Variants in APBA2 observed in about 807,000 individuals in gnomAD.
APBA2 encodes amyloid beta precursor protein binding family A member 2.
Under a neutral mutation model 75.0 loss-of-function variants are expected in APBA2, and 30 were observed. The ratio of observed to expected loss-of-function variants is 0.40; its 90% CI spans 0.30 to 0.54. The LOEUF (loss-of-function observed/expected upper bound fraction) is 0.54, where lower values mean the gene tolerates loss of function less well. APBA2 is among the 20% of genes least tolerant of loss of function. APBA2 has a pLI of 0.49. For synonymous variants in APBA2, 444 were observed against 409.6 expected (o/e 1.08, Z -1.01); for missense variants, 801 against 1,016.1 (o/e 0.79, Z 2.88).
chr15:29,062,548 G>T (rs1311905956), intron 4 of APBA2, among the ~76,000 whole-genome samples: 1 of 152,204 alleles, frequency 6.6e-6, no homozygotes, highest in Admixed American at 6.5e-5. Context: ...TTGATGTTTT[G>T]ATGACATGTC....
At chr15:28,988,264 G>T (rs1247852929) in intron 2 of APBA2, among the ~76,000 whole-genome samples, 2 of 149,998 alleles carry the variant, frequency 1.3e-5, no homozygotes, top group Non-Finnish European at 3.0e-5. Flanking sequence ...TTTCTGTAGT[G>T]TGCCTTTTTT....
At chr15:28,987,761 T>C (rs1473825398) in intron 2 of APBA2, among the ~76,000 whole-genome samples, 2 of 139,844 alleles carry the variant, frequency 1.4e-5, no homozygotes, top group Non-Finnish European at 3.1e-5. Context: ...TATTCTTTTT[T>C]TTTTTTTTTT....
chr15:29,088,245 C>T (rs1307166945), intron 6 of APBA2, among the ~76,000 whole-genome samples: 3 of 152,198 alleles, frequency 2.0e-5, no homozygotes, highest in Non-Finnish European at 4.4e-5. Flanking sequence ...AGAGCAGAGT[C>T]CTGGGGCTTC....
At chr15:29,094,900 CTT>C (rs60744239) in intron 8 of APBA2, among the ~76,000 whole-genome samples, 120,669 of 146,238 alleles carry the variant, frequency 0.83, 53,383 homozygotes, top group Non-Finnish European at 0.98. Context: ...GTCTCCACAA[CTT>C]TTTTTTTTTT....
intron 8 of APBA2, among the ~76,000 whole-genome samples, chr15:29,098,136 C>T (rs991836446): frequency 3.9e-5 from 6 of 152,240 alleles, no homozygotes; most frequent in East Asian, 1.9e-4. Flanking sequence ...CTCCTAGACA[C>T]GCTGATTTCA....
chr15:28,955,767 G>A (rs2036134045), intron 2 of APBA2, among the ~76,000 whole-genome samples: 7 of 152,250 alleles, frequency 4.6e-5, no homozygotes, highest in Admixed American at 4.6e-4. Flanking sequence ...GCCTAGGGAG[G>A]CATGGGGGGC....
chr15:28,955,422 A>G (rs1465124959), intron 2 of APBA2, among the ~76,000 whole-genome samples: 1 of 152,170 alleles, frequency 6.6e-6, no homozygotes, highest in Non-Finnish European at 1.5e-5. Context: ...AACAGCCAGT[A>G]CTGGAACCCT....
chr15:28,949,387 A>G (rs1041308378), intron 2 of APBA2, among the ~76,000 whole-genome samples: 5 of 152,138 alleles, frequency 3.3e-5, no homozygotes, highest in African/African-American at 7.2e-5. Flanking sequence ...TCCAGGGTGC[A>G]TGGATGGATG....
rs186969907 is a variant in APBA2 at position 28,921,649 on chromosome 15, T to C, written c.-195T>C. The C allele has an allele frequency of 1.3e-5, 2 of 152,372 alleles. No homozygotes were observed. The highest frequency in any genetic ancestry group is 1.3e-4 in the Admixed American group (2 of 15,312). The allele number at this position is 152,372 out of a possible 1,614,324, so 9.4% of individuals were successfully genotyped here. On this transcript the variant is annotated 5_prime_UTR_variant, in exon 2 of 15. Transcript: ENST00000683413. ...TTCTTTTTCTTTACAGTCTCCTGAA[T>C]ATTTACGCGTTGCTGAATCTCCTGT...
At chr15:28,972,837 AAC>A (rs2037137364) in intron 2 of APBA2, among the ~76,000 whole-genome samples, 2 of 152,220 alleles carry the variant, frequency 1.3e-5, no homozygotes, top group South Asian at 4.1e-4. Context: ...ACTGTGATCC[AAC>A]ACTTTTAAAC....
At chr15:28,925,736 T>C (rs1039945661) in intron 2 of APBA2, among the ~76,000 whole-genome samples, 2 of 152,198 alleles carry the variant, frequency 1.3e-5, no homozygotes, top group African/African-American at 4.8e-5. Flanking sequence ...TGATTTTCTG[T>C]CTGCTTGTTC....
intron 2 of APBA2, among the ~76,000 whole-genome samples, chr15:28,989,434 C>T (rs748673387): frequency 4.6e-5 from 7 of 152,174 alleles, no homozygotes; most frequent in Non-Finnish European, 1.0e-4. Flanking sequence ...ACAAGATAGA[C>T]TAATGCAACC....
chr15:28,924,417 C>T (rs2034146354), intron 2 of APBA2, among the ~76,000 whole-genome samples: 1 of 152,174 alleles, frequency 6.6e-6, no homozygotes, highest in East Asian at 1.9e-4. Flanking sequence ...CAGTCACTCC[C>T]CAGCCTCCCT....
intron 2 of APBA2, among the ~76,000 whole-genome samples, chr15:28,980,731 C>T (rs1222635341): frequency 6.6e-6 from 1 of 152,084 alleles, no homozygotes; most frequent in Non-Finnish European, 1.5e-5. Context: ...GCCAGATAGC[C>T]AAAGCAATCT....
At chr15:28,890,603 G>A (rs140138917) in intron 1 of APBA2, among the ~76,000 whole-genome samples, 137 of 152,292 alleles carry the variant, frequency 9.0e-4, no homozygotes, top group African/African-American at 3.1e-3. Context: ...ATGAGAAAGG[G>A]ACTGGGAGGT....
At chr15:28,916,475 T>C (rs1194299766) in intron 1 of APBA2, among the ~76,000 whole-genome samples, 1 of 152,194 alleles carries the variant, frequency 6.6e-6, no homozygotes, top group Non-Finnish European at 1.5e-5. Flanking sequence ...TTTAATAAAG[T>C]AAAATGTCCA....
chr15:29,068,323 C>T (rs1259599013), intron 4 of APBA2, among the ~76,000 whole-genome samples: 2 of 152,342 alleles, frequency 1.3e-5, no homozygotes, highest in African/African-American at 2.4e-5. Context: ...GTGGCAGAAG[C>T]AGCCATGCTG....
At chr15:28,913,025 C>T (rs1048023159) in intron 1 of APBA2, among the ~76,000 whole-genome samples, 17 of 152,186 alleles carry the variant, frequency 1.1e-4, no homozygotes, top group Admixed American at 7.9e-4. Context: ...GTTATTTTCA[C>T]GCATCTGCAC....
chr15:28,888,685 C>T (rs1262004582), intron 1 of APBA2, among the ~76,000 whole-genome samples: 1 of 152,194 alleles, frequency 6.6e-6, no homozygotes, highest in Non-Finnish European at 1.5e-5. Flanking sequence ...GCAGAGATCA[C>T]ATGCCCTGCC....
Sources: allele counts gnomAD v4.1 joint callset (sites outside exome capture counted in the v4.1 genomes callset), GRCh38; gene constraint gnomAD v4.1.1; transcripts MANE v1.5; gene names NCBI Gene and HGNC (gene_info 2026-07-23, HGNC 2026-07-21).